Variants in MCF2L2 observed in about 807,000 individuals in gnomAD.
MCF2L2 encodes MCF.2 cell line derived transforming sequence-like 2.
A neutral mutation model predicts 150.2 loss-of-function variants in MCF2L2; 102 were observed. That is an observed-to-expected ratio of 0.68 (90% CI 0.58 to 0.80). The LOEUF (loss-of-function observed/expected upper bound fraction) is 0.80. Ranked by LOEUF, MCF2L2 falls within the 30% of genes least tolerant of loss-of-function variation. The pLI, the probability that MCF2L2 is intolerant of heterozygous loss-of-function variation, is 0.00. For missense variants in MCF2L2, 1,256 were observed against 1,372.8 expected (o/e 0.91, Z 1.34); for synonymous variants, 465 against 491.3 (o/e 0.95, Z 0.71).
At chr3:183,209,727 G>A (rs1264352162) in intron 22 of MCF2L2, among the ~76,000 whole-genome samples, 2 of 152,074 alleles carry the variant, frequency 1.3e-5, no homozygotes, top group Non-Finnish European at 2.9e-5. Flanking sequence ...GACCTCTGGT[G>A]ATCTGCCCAC....
At position 183,305,490 on chromosome 3, in the gene MCF2L2, A is replaced by T. The variant is rs1218313919; in HGVS notation, c.1113+4226T>A. 6.6e-6 allele frequency among the ~76,000 whole-genome samples: 1 copy of T among 152,164 alleles called. No individual in the cohort carries two copies. The highest frequency in any genetic ancestry group is 1.5e-5 in the Non-Finnish European group (1 of 68,028). Reference sequence around the variant, plus strand: ...CACCCTTCAGAATTTTCCAGAAGACATTTGAGATGTTAGAGGGAAGATGTG... The same window carrying T: ...CACCCTTCAGAATTTTCCAGAAGACTTTTGAGATGTTAGAGGGAAGATGTG... On this transcript the variant is annotated intron_variant, in intron 10 of 29. Coordinates refer to ENST00000328913, the MANE Select transcript of MCF2L2 (RefSeq NM_015078.4). This position sits in a 1 kb window ranked among gnomAD's most constrained non-coding sequence, Gnocchi z 4.1.
intron 15 of MCF2L2, among the ~76,000 whole-genome samples, chr3:183,268,212 T>C (rs776489517): frequency 1.3e-5 from 2 of 152,212 alleles, no homozygotes; most frequent in African/African-American, 2.4e-5. Flanking sequence ...AATTTGGTAT[T>C]GTCAAATGAT....
chr3:183,184,499 G>A (rs866414722), intron 27 of MCF2L2, among the ~76,000 whole-genome samples: 28 of 152,200 alleles, frequency 1.8e-4, no homozygotes, highest in Non-Finnish European at 2.8e-4. Flanking sequence ...GGGAAAGGTG[G>A]GCGATGAGAA....
intron 3 of MCF2L2, among the ~76,000 whole-genome samples, chr3:183,342,602 G>A (rs536797629): frequency 1.3e-5 from 2 of 149,934 alleles, no homozygotes; most frequent in East Asian, 2.0e-4. Context: ...CTACCTATGA[G>A]GTTGATGTGA....
intron 3 of MCF2L2, among the ~76,000 whole-genome samples, chr3:183,353,278 C>T (rs193189892): frequency 4.7e-4 from 71 of 152,298 alleles, no homozygotes; most frequent in African/African-American, 1.7e-3. Context: ...TTAGAGGATA[C>T]TTCCGCTTTA....
At chr3:183,220,398 T>C (rs1017975311) in intron 20 of MCF2L2, among the ~76,000 whole-genome samples, 3 of 152,218 alleles carry the variant, frequency 2.0e-5, no homozygotes, top group African/African-American at 7.2e-5. Flanking sequence ...CATGATATTA[T>C]ATTTTTTTAA....
At chr3:183,290,185 T>C (rs1332733554) in intron 13 of MCF2L2, among the ~76,000 whole-genome samples, 2 of 152,098 alleles carry the variant, frequency 1.3e-5, no homozygotes, top group African/African-American at 4.8e-5. Context: ...CACATACATG[T>C]ACACACACAA....
intron 1 of MCF2L2, 49 bp downstream of exon 1, chr3:183,427,853 T>A (rs1716253229): frequency 6.6e-7 from 1 of 1,505,418 alleles, no homozygotes; most frequent in African/African-American, 1.4e-5. Context: ...CCAGAGACCA[T>A]CCTCACCCGC....
chr3:183,275,265 TAATC>T (rs1408205886), intron 15 of MCF2L2, among the ~76,000 whole-genome samples: 2 of 152,206 alleles, frequency 1.3e-5, no homozygotes, highest in Admixed American at 1.3e-4. Context: ...TCTGAATAAT[TAATC>T]ATCTCCCCAA....
At chr3:183,421,201 C>T (rs1356142585) in intron 1 of MCF2L2, among the ~76,000 whole-genome samples, 3 of 152,084 alleles carry the variant, frequency 2.0e-5, no homozygotes, top group East Asian at 1.9e-4. Flanking sequence ...CTTTGATGTA[C>T]AATGTTTTTC....
At chr3:183,229,858 C>T (rs915540194) in intron 16 of MCF2L2, 77 bp from the exon 17 acceptor site, 1 of 605,298 alleles carries the variant, frequency 1.7e-6, no homozygotes, top group African/African-American at 1.9e-5. Context: ...CTGCAAAACC[C>T]AAAACTTTAG....
Position 183,220,671 on chromosome 3 carries a change from C to T in MCF2L2, c.2302-747G>A, listed in dbSNP as rs549548893. ...GAAAGCCTGTCTCACCAGCCCCTAG[C>T]CTACAAGGGGTAGTACCATTTAATC... On this transcript the variant is annotated intron_variant, in intron 20 of 29. Transcript: ENST00000328913. 2.6e-5 allele frequency among the ~76,000 whole-genome samples: 4 copies of T among 152,238 alleles called. No individual in the cohort carries two copies. In the East Asian group the frequency reaches 7.7e-4, roughly 29 times the overall value.
chr3:183,226,827 A>G (rs1235420773), intron 18 of MCF2L2: 2 of 152,228 alleles, frequency 1.3e-5, no homozygotes, highest in African/African-American at 2.4e-5. Context: ...TATATAAAGC[A>G]CTAATAATGT....
intron 1 of MCF2L2, among the ~76,000 whole-genome samples, chr3:183,391,683 G>C (rs1372722696): frequency 6.6e-6 from 1 of 152,062 alleles, no homozygotes; most frequent in Non-Finnish European, 1.5e-5. Flanking sequence ...GGGTCCACAG[G>C]GGTTTGTTAC....
At chr3:183,198,856 CT>C (rs1458870008) in intron 25 of MCF2L2, among the ~76,000 whole-genome samples, 1 of 152,182 alleles carries the variant, frequency 6.6e-6, no homozygotes, top group Non-Finnish European at 1.5e-5. Context: ...GAACAAGTGA[CT>C]TTTTCTACTA....
At chr3:183,220,517 AATAATG>A (rs1208224756) in intron 20 of MCF2L2, among the ~76,000 whole-genome samples, 1 of 152,194 alleles carries the variant, frequency 6.6e-6, no homozygotes, top group African/African-American at 2.4e-5. Flanking sequence ...TTTTTACTAT[AATAATG>A]ATAATAACTT....
chr3:183,252,756 G>T (rs748124669), intron 15 of MCF2L2, among the ~76,000 whole-genome samples: 25 of 152,018 alleles, frequency 1.6e-4, no homozygotes, highest in African/African-American at 6.0e-4. Context: ...AAAGTATTTG[G>T]GTTAATCTTT....
chr3:183,337,483 G>A (rs1159515015), intron 5 of MCF2L2, among the ~76,000 whole-genome samples: 1 of 150,780 alleles, frequency 6.6e-6, no homozygotes, highest in African/African-American at 2.5e-5. Flanking sequence ...AACCCAGGAG[G>A]TGGAGGTTGC....
At chr3:183,378,988 A>C (rs1251915914) in intron 3 of MCF2L2, 1 of 247,076 alleles carries the variant, frequency 4.0e-6, no homozygotes, top group African/African-American at 2.2e-5. Flanking sequence ...AAAATAAAAA[A>C]TGAAAATAAA....
Sources: allele counts gnomAD v4.1 joint callset (sites outside exome capture counted in the v4.1 genomes callset), GRCh38; gene constraint gnomAD v4.1.1; non-coding constraint Gnocchi (gnomAD v3.1); transcripts MANE v1.5; gene names NCBI Gene and HGNC (gene_info 2026-07-23, HGNC 2026-07-21).